The following BRAP variants were observed in gnomAD, a reference collection of about 807,000 sequenced individuals.
BRAP encodes BRCA1-associated protein.
BRAP carries 42 observed loss-of-function variants against 73.4 expected under a neutral mutation model. The ratio of observed to expected loss-of-function variants is 0.57; its 90% CI spans 0.45 to 0.74. The LOEUF (loss-of-function observed/expected upper bound fraction) is 0.74, where lower values mean the gene tolerates loss of function less well. Ranked by LOEUF, BRAP falls within the 30% of genes least tolerant of loss-of-function variation. The probability of loss-of-function intolerance (pLI) is 0.00; values close to 1 mark genes in which losing one functional copy is unlikely to be tolerated. For missense variants in BRAP, 593 were observed against 751.4 expected (o/e 0.79, Z 2.46); for synonymous variants, 255 against 267.4 (o/e 0.95, Z 0.45).
At chr12:111,664,141 C>T (rs542056721) in intron 6 of BRAP, among the ~76,000 whole-genome samples, 3 of 152,274 alleles carry the variant, frequency 2.0e-5, no homozygotes, top group Admixed American at 2.0e-4. Flanking sequence ...GCCTAGACAA[C>T]ATAGCGAGAC....
intron 3 of BRAP, among the ~76,000 whole-genome samples, chr12:111,680,439 G>A (rs763956977): frequency 1.3e-5 from 2 of 151,676 alleles, no homozygotes; most frequent in Non-Finnish European, 2.9e-5. Context: ...ACTCACACCT[G>A]TAATCCCAAC....
chr12:111,674,142 C>T (rs1396039967), intron 4 of BRAP, among the ~76,000 whole-genome samples: 1 of 152,218 alleles, frequency 6.6e-6, no homozygotes, highest in Non-Finnish European at 1.5e-5. Flanking sequence ...TGCCTGTCCA[C>T]CCTCACAAGG....
Position 111,685,866 on chromosome 12 carries a change from C to T in BRAP, c.-74G>A, listed in dbSNP as rs922507214. The stretch of plus-strand genomic sequence containing the variant: ...GAAGGCGAGCCGAGAGGCCGAGCGG[C>T]CCGGGGCCGGCAGCGCCGCCACCAC... On this transcript the variant is annotated 5_prime_UTR_variant, in exon 1 of 12. Coordinates refer to ENST00000419234, the MANE Select transcript of BRAP (RefSeq NM_006768.5). The T allele has an allele frequency of 8.5e-7, 1 of 1,172,304 alleles. No individual in the cohort carries two copies. The highest frequency in any genetic ancestry group is 1.1e-6 in the Non-Finnish European group (1 of 899,930). 72.6% of individuals were successfully genotyped at this position (1,172,304 alleles called of 1,614,324 possible).
At chr12:111,644,773 T>G (rs1886043469) in intron 11 of BRAP, among the ~76,000 whole-genome samples, 1 of 152,190 alleles carries the variant, frequency 6.6e-6, no homozygotes, top group East Asian at 1.9e-4. Context: ...TATTTTTTTT[T>G]GAGACGGAGT....
chr12:111,679,475 A>T, intron 3 of BRAP, 135 bp from the exon 4 acceptor site: 1 of 530,288 alleles, frequency 1.9e-6, no homozygotes, highest in Non-Finnish European at 2.9e-6. Context: ...GTTCTATATT[A>T]TACCCCCCAT....
chr12:111,681,500 A>G, intron 3 of BRAP, 137 bp downstream of exon 3: 1 of 670,616 alleles, frequency 1.5e-6, no homozygotes, highest in Non-Finnish European at 2.4e-6. Context: ...GAATTCTCTA[A>G]CATACAACAG....
At chr12:111,682,514 AAAAAG>A (rs1286057335) in intron 2 of BRAP, among the ~76,000 whole-genome samples, 19 of 151,330 alleles carry the variant, frequency 1.3e-4, no homozygotes, top group Non-Finnish European at 2.1e-4. Flanking sequence ...AAAAAAAAAA[AAAAAG>A]AAAAGAAAGA....
At chr12:111,657,147 G>A (rs1012262741) in intron 9 of BRAP, among the ~76,000 whole-genome samples, 6 of 152,076 alleles carry the variant, frequency 3.9e-5, no homozygotes, top group South Asian at 2.1e-4. Flanking sequence ...AGGTTCAAGC[G>A]ATTCTCCTGC....
At chr12:111,680,791 T>G (rs1272707714) in intron 3 of BRAP, among the ~76,000 whole-genome samples, 2 of 152,122 alleles carry the variant, frequency 1.3e-5, no homozygotes, top group African/African-American at 4.8e-5. Flanking sequence ...GGCAAATGAG[T>G]TAGCACAAGA....
intron 6 of BRAP, among the ~76,000 whole-genome samples, chr12:111,663,977 G>T (rs1886845158): frequency 6.6e-6 from 1 of 152,168 alleles, no homozygotes; most frequent in African/African-American, 2.4e-5. Context: ...AATGGTCCCT[G>T]AGGAAACTTC....
intron 11 of BRAP, 58 bp downstream of exon 11, chr12:111,649,881 T>C (rs1018527164): frequency 2.5e-6 from 3 of 1,221,076 alleles, no homozygotes; most frequent in East Asian, 4.8e-5. Flanking sequence ...TCCATAGGAA[T>C]GAAAGAAACT....
In BRAP at chr12:111,644,463, C is replaced by T. The variant is rs1393253616; in HGVS notation, c.1515G>A (p.Gln505=). ...CCCTCTCCTCCTCTTTTAGCTTGTT[C>T]TGCAGGAGGACTTGGTTGGCTCGCA... ...KCLRANQVLL[Q]NKLKEEERVL... is the part of the protein sequence containing the mutation. The change falls in exon 12 of 12, where the codon CAG becomes CAA. Residue 505 remains glutamine (Q), a synonymous_variant. Coordinates refer to ENST00000419234, the MANE Select transcript of BRAP (RefSeq NM_006768.5). The T allele has an allele frequency of 1.1e-5, 18 of 1,614,132 alleles. No individual in the cohort carries two copies. The highest frequency in any genetic ancestry group is 1.7e-5 in the Admixed American group (1 of 59,994).
intron 1 of BRAP, among the ~76,000 whole-genome samples, chr12:111,685,185 G>C (rs1048293294): frequency 6.6e-6 from 1 of 152,178 alleles, no homozygotes; most frequent in Non-Finnish European, 1.5e-5. Flanking sequence ...TGTGTAAGAG[G>C]TACATGTCAC....
chr12:111,652,423 C>G (rs1350690953), intron 10 of BRAP, among the ~76,000 whole-genome samples: 1 of 152,156 alleles, frequency 6.6e-6, no homozygotes, highest in Non-Finnish European at 1.5e-5. Context: ...CGGGGTTTCT[C>G]TGTGTTAGCC....
rs763862113 is a variant in BRAP at position 111,644,338 on chromosome 12, T to C, written c.1640A>G (p.Asn547Ser). 1 of 1,614,080 alleles carries C rather than the reference T, an allele frequency of 6.2e-7. No homozygotes were observed. Among genetic ancestry groups the C allele is most frequent in the South Asian group, 1.1e-5 (1 of 91,066 alleles). The change falls in exon 12 of 12, where the codon AAC becomes AGC. Residue 547 changes from asparagine to serine, a missense_variant. This residue lies in a region of BRAP where 79 missense variants were observed against 65.3 expected (regional missense o/e 1.21). Coordinates refer to ENST00000419234, the MANE Select transcript of BRAP (RefSeq NM_006768.5). The stretch of plus-strand genomic sequence containing the variant: ...CTGCCGGGTCTCGGCAGGCAGATGG[T>C]TGATCTTCTGCTGTGTCTCCAGGTA... ...MFYLETQQKI[N>S]HLPAETRQEI...
rs748835203 is a variant in BRAP, at chr12:111,685,732, C to A, written c.61G>T (p.Gly21Cys). 6 of 1,608,878 alleles carry A rather than the reference C, an allele frequency of 3.7e-6. No individual in the cohort carries two copies. The highest frequency in any genetic ancestry group is 4.2e-6 in the Non-Finnish European group (5 of 1,178,612). ...TCACCCGCGGCGCTGAAGCCGAAGC[C>A]GGCGGGGACAGGCGAGTGTTCCGCG... ...ELAEHSPVPA[G>C]FGFSAAAGEM... is the part of the protein sequence containing the mutation. Residue 21 changes from glycine to cysteine, a missense_variant, in exon 1 of 12, where the codon GGC becomes TGC. Around this residue, in one of 4 missense-constraint regions of BRAP, gnomAD observed 304 missense variants for 337.7 expected, o/e 0.90. Transcript: ENST00000419234.
In BRAP at chr12:111,644,282, T is replaced by C. The variant is rs1447874439; in HGVS notation, c.1696A>G (p.Met566Val). 1 of 1,614,122 alleles carries C rather than the reference T, an allele frequency of 6.2e-7. No homozygotes were observed. Among genetic ancestry groups the C allele is most frequent in the East Asian group, 2.2e-5 (1 of 44,864 alleles). ...GAGGCAGGGCTCGAGGCCGAGGCCA[T>C]GGCGATGTTGATCTGTCCCTCCTGG... ...EIQEGQINIAMASASSPASSG... is the reference protein window; with the variant it reads ...EIQEGQINIAVASASSPASSG... Residue 566 changes from methionine (M) to valine (V), a missense_variant, in exon 12 of 12, where the codon ATG becomes GTG. Coordinates refer to ENST00000419234, the MANE Select transcript of BRAP (RefSeq NM_006768.5).
At chr12:111,671,779 C>T (rs1015074461) in intron 5 of BRAP, among the ~76,000 whole-genome samples, 13 of 151,304 alleles carry the variant, frequency 8.6e-5, no homozygotes, top group Admixed American at 6.0e-4. Context: ...GGACCTCCCC[C>T]GACTCAGGTG....
At chr12:111,664,522 C>T (rs576682812) in intron 6 of BRAP, among the ~76,000 whole-genome samples, 4 of 152,194 alleles carry the variant, frequency 2.6e-5, no homozygotes, top group African/African-American at 7.2e-5. Flanking sequence ...GAGGACTCCA[C>T]GGAATTGGAG....
Sources: gnomAD v4.1 joint callset for allele counts (sites outside exome capture counted in the v4.1 genomes callset) on GRCh38, gnomAD v4.1.1 for gene constraint, gnomAD v4.1.1 regional missense constraint, MANE v1.5 for transcripts, NCBI Gene and HGNC (gene_info 2026-07-23, HGNC 2026-07-21) for gene names.